The following TRPC7 variants were observed in gnomAD, a reference collection of about 807,000 sequenced individuals.
The protein encoded by TRPC7 is short transient receptor potential channel 7.
TRPC7 carries 42 observed loss-of-function variants against 90.1 expected under a neutral mutation model. The observed-to-expected ratio is 0.47, with a 90% CI of 0.36 to 0.60. The LOEUF is 0.60. TRPC7 is among the 20% of genes least tolerant of loss of function. TRPC7 has a pLI of 0.00. For synonymous variants in TRPC7, 451 were observed against 436.3 expected, an observed-to-expected ratio of 1.03 and a Z score of -0.42; for missense variants, 955 against 1,112.3, an observed-to-expected ratio of 0.86 and a Z score of 2.01.
intron 7 of TRPC7, among the ~76,000 whole-genome samples, chr5:136,238,060 C>T (rs1054994249): frequency 6.6e-6 from 1 of 152,162 alleles, no homozygotes; most frequent in South Asian, 2.1e-4. Context: ...ACTGGCTGAG[C>T]TCTCTCTTGG....
At chr5:136,298,226 A>T (rs1370004490) in intron 3 of TRPC7, among the ~76,000 whole-genome samples, 1 of 152,070 alleles carries the variant, frequency 6.6e-6, no homozygotes, top group Non-Finnish European at 1.5e-5. Context: ...TGGATCTGAG[A>T]CTCAAACACT....
intron 4 of TRPC7, among the ~76,000 whole-genome samples, chr5:136,271,395 C>T (rs1422771736): frequency 6.6e-6 from 1 of 152,152 alleles, no homozygotes; most frequent in East Asian, 1.9e-4. Flanking sequence ...TGGCTTCTGC[C>T]ACATCATATA....
chr5:136,271,204 T>C (rs1256923066), intron 4 of TRPC7, among the ~76,000 whole-genome samples: 2 of 152,202 alleles, frequency 1.3e-5, no homozygotes, highest in Non-Finnish European at 2.9e-5. Flanking sequence ...GACTGATAGA[T>C]TGCACACTAC....
At chr5:136,268,511 T>C (rs1311007497) in intron 4 of TRPC7, among the ~76,000 whole-genome samples, 1 of 152,194 alleles carries the variant, frequency 6.6e-6, no homozygotes, top group Non-Finnish European at 1.5e-5. Flanking sequence ...GATGAGGATA[T>C]GGGGTATACC....
rs564888652 is a variant in TRPC7 at position 136,249,782 on chromosome 5, C to T, written c.1579+1867G>A. Among the ~76,000 whole-genome samples, 22 of 152,286 alleles carry T rather than the reference C, an allele frequency of 1.4e-4. 1 individual carries two copies. In the South Asian group the frequency reaches 4.3e-3, roughly 30 times the overall value. Reference sequence around the variant, plus strand: ...AGCTATTTCCAAGAGAAAAATTGCCCTATCACAACCTGAAAAATTGTTATC... The same window carrying T: ...AGCTATTTCCAAGAGAAAAATTGCCTTATCACAACCTGAAAAATTGTTATC... On this transcript the variant is annotated intron_variant, in intron 6 of 11. Transcript: ENST00000513104.
At chr5:136,340,310 A>G (rs1362714687) in intron 2 of TRPC7, among the ~76,000 whole-genome samples, 2 of 152,162 alleles carry the variant, frequency 1.3e-5, no homozygotes, top group African/African-American at 4.8e-5. Flanking sequence ...TGGGGTGGGT[A>G]AGGAAATGGG....
At chr5:136,340,905 A>G (rs1759824755) in intron 2 of TRPC7, among the ~76,000 whole-genome samples, 1 of 152,218 alleles carries the variant, frequency 6.6e-6, no homozygotes, top group South Asian at 2.1e-4. Flanking sequence ...AAGAAATTCA[A>G]ATTAAAATGG....
In TRPC7 at chr5:136,231,340, T is replaced by C; in HGVS notation, c.2040+14A>G. ...GATGAAGGAGAGCAAGCATTTTCAG[T>C]GACCTGGCCTTACCTCAATTTCCTG... On this transcript the variant is annotated intron_variant, in intron 8 of 11. Coordinates refer to ENST00000513104, the MANE Select transcript of TRPC7 (RefSeq NM_020389.3). 2 of 1,564,766 alleles carry C rather than the reference T, an allele frequency of 1.3e-6. No individual in the cohort carries two copies. The highest frequency in any genetic ancestry group is 1.7e-6 in the Non-Finnish European group (2 of 1,150,704).
At chr5:136,218,951 A>T (rs961528945) in intron 10 of TRPC7, among the ~76,000 whole-genome samples, 1 of 152,206 alleles carries the variant, frequency 6.6e-6, no homozygotes, top group Non-Finnish European at 1.5e-5. Flanking sequence ...ACACAGCTGG[A>T]AAGTGGCAGA....
intron 7 of TRPC7, among the ~76,000 whole-genome samples, chr5:136,242,421 A>G (rs1363146564): frequency 2.6e-5 from 4 of 152,194 alleles, no homozygotes; most frequent in Non-Finnish European, 5.9e-5. Flanking sequence ...AGTGGCTATG[A>G]AAAACAACCC....
At chr5:136,272,768 C>T (rs1048594445) in intron 4 of TRPC7, among the ~76,000 whole-genome samples, 3 of 152,152 alleles carry the variant, frequency 2.0e-5, no homozygotes, top group Non-Finnish European at 4.4e-5. Context: ...GACCAAACTT[C>T]CCTGCAACTG....
chr5:136,262,176 A>G (rs1433835064), intron 5 of TRPC7, among the ~76,000 whole-genome samples: 2 of 152,198 alleles, frequency 1.3e-5, no homozygotes, highest in Non-Finnish European at 2.9e-5. Context: ...CTCGTATCCC[A>G]CAATCATCTA....
At chr5:136,329,998 A>G (rs1666890292) in intron 2 of TRPC7, among the ~76,000 whole-genome samples, 1 of 151,746 alleles carries the variant, frequency 6.6e-6, no homozygotes, top group Non-Finnish European at 1.5e-5. Context: ...CCCACACACC[A>G]CCTTATCACC....
intron 3 of TRPC7, among the ~76,000 whole-genome samples, chr5:136,282,655 A>T (rs1174373264): frequency 6.6e-6 from 1 of 152,208 alleles, no homozygotes; most frequent in Non-Finnish European, 1.5e-5. Flanking sequence ...AAATATTCTT[A>T]ATACCAGTAT....
intron 3 of TRPC7, among the ~76,000 whole-genome samples, chr5:136,313,172 TTGAC>T (rs1449747125): frequency 1.3e-5 from 2 of 152,134 alleles, no homozygotes; most frequent in Non-Finnish European, 2.9e-5. Context: ...CAAAAGCTGT[TTGAC>T]TGTTTAACTA....
chr5:136,336,558 G>A (rs993942460), intron 2 of TRPC7, among the ~76,000 whole-genome samples: 6 of 150,968 alleles, frequency 4.0e-5, no homozygotes, highest in South Asian at 4.2e-4. Flanking sequence ...TGTACACAAC[G>A]TGCAGGTTTG....
At chr5:136,318,954 A>T (rs1217907236) in intron 2 of TRPC7, among the ~76,000 whole-genome samples, 1 of 152,134 alleles carries the variant, frequency 6.6e-6, no homozygotes, top group Non-Finnish European at 1.5e-5. Context: ...CCCACTGGAT[A>T]AAAGCCTGAC....
intron 4 of TRPC7, 110 bp downstream of exon 4, chr5:136,274,563 T>C: frequency 8.2e-7 from 1 of 1,213,284 alleles, no homozygotes; most frequent in Non-Finnish European, 1.1e-6. Context: ...GAATATTTTC[T>C]TTAAATATGG....
At chr5:136,285,710 T>C (rs944058958) in intron 3 of TRPC7, among the ~76,000 whole-genome samples, 4 of 152,214 alleles carry the variant, frequency 2.6e-5, no homozygotes, top group African/African-American at 9.7e-5. Flanking sequence ...GCAAGGCTGA[T>C]GATAGATTTT....
Sources: gnomAD v4.1 joint callset for allele counts (sites outside exome capture counted in the v4.1 genomes callset) on GRCh38, gnomAD v4.1.1 for gene constraint, MANE v1.5 for transcripts, NCBI Gene and HGNC (gene_info 2026-07-23, HGNC 2026-07-21) for gene names.